Variants in ING3 observed in about 807,000 individuals in gnomAD.
The protein encoded by ING3 is inhibitor of growth family member 3.
A neutral mutation model predicts 64.8 loss-of-function variants in ING3; 6 were observed. The ratio of observed to expected loss-of-function variants is 0.09; its 90% CI spans 0.05 to 0.18. ING3 has a LOEUF of 0.18. ING3 is among the 10% of genes least tolerant of loss of function. The pLI, the probability that ING3 is intolerant of heterozygous loss-of-function variation, is 1.00. For missense variants in ING3, 310 were observed against 489.7 expected, an observed-to-expected ratio of 0.63 and a Z score of 3.46; for synonymous variants, 170 against 173.7, an observed-to-expected ratio of 0.98 and a Z score of 0.17.
At chr7:120,956,106 A>G (rs1584988049) in intron 4 of ING3, 1 of 1,142,708 alleles carries the variant, frequency 8.8e-7, no homozygotes, top group Non-Finnish European at 1.3e-6. Flanking sequence ...CAGCTGTGTC[A>G]GTTGTTTAAG....
intron 4 of ING3, chr7:120,955,995 A>C: frequency 1.6e-6 from 1 of 616,588 alleles, no homozygotes; most frequent in Non-Finnish European, 2.9e-6. Context: ...AAATACACCT[A>C]AGAAGACTGC....
rs1186271550 is a variant in ING3, at chr7:120,977,089, C to T, written c.*2245C>T. 6.6e-6 allele frequency: 1 copy of T among 152,086 alleles called. No homozygotes were observed. Among genetic ancestry groups the T allele is most frequent in the Non-Finnish European group, 1.5e-5 (1 of 68,002 alleles). The allele number at this position is 152,086 out of a possible 1,614,324, so 9.4% of individuals were successfully genotyped here. ...TACAAAACTCATGTAACAGTTGGGA[C>T]AAAATATCCAAATGTGGGTTCACAG... On this transcript the variant is annotated 3_prime_UTR_variant, in exon 12 of 12. Transcript: ENST00000315870.
At chr7:120,959,386 G>A (rs999629455) in intron 4 of ING3, among the ~76,000 whole-genome samples, 3 of 152,096 alleles carry the variant, frequency 2.0e-5, no homozygotes, top group South Asian at 4.1e-4. Flanking sequence ...ACAATTATAC[G>A]TTAATTATTC....
chr7:120,970,381 C>T (rs1349463813), intron 9 of ING3, among the ~76,000 whole-genome samples: 6 of 151,220 alleles, frequency 4.0e-5, no homozygotes, highest in South Asian at 2.1e-4. Context: ...AGGAGAATGG[C>T]GTGAACCTGG....
intron 2 of ING3, among the ~76,000 whole-genome samples, chr7:120,952,594 T>G (rs1277279312): frequency 6.6e-6 from 1 of 152,126 alleles, no homozygotes; most frequent in African/African-American, 2.4e-5. Context: ...CCAAATAAAT[T>G]CAGAAATGCT....
intron 8 of ING3, 70 bp downstream of exon 8, chr7:120,968,161 A>C: frequency 7.4e-7 from 1 of 1,346,372 alleles, no homozygotes; most frequent in Non-Finnish European, 1.0e-6. Flanking sequence ...AATAGAAATA[A>C]CGGGATGTGA....
intron 9 of ING3, among the ~76,000 whole-genome samples, chr7:120,970,431 C>G (rs964411355): frequency 6.7e-6 from 1 of 150,088 alleles, no homozygotes; most frequent in African/African-American, 2.5e-5. Context: ...CGCCACTGCA[C>G]TCCAGTCTGG....
In ING3 at chr7:120,970,697, C is replaced by G. The variant is rs760561603; in HGVS notation, c.918C>G (p.Asn306Lys). The change falls in exon 10 of 12, where the codon AAC (asparagine) becomes AAG (lysine). Residue 306 changes from asparagine to lysine, a missense_variant. Asn to Lys is a moderately conservative substitution (Grantham distance 94). Around this residue, in one of 3 missense-constraint regions of ING3, gnomAD observed 233 missense variants for 289.4 expected, o/e 0.81. Coordinates refer to ENST00000315870, the MANE Select transcript of ING3 (RefSeq NM_019071.3). Reference protein sequence around the residue: ...SRSGRKSKNNNKSSSQQSSSS... With the variant: ...SRSGRKSKNNKKSSSQQSSSS... ...ATACTATTTTTTTCAGAAACAACAACAAGTCTTCAAGCCAGCAGTCATCAT... is the reference window on the plus strand; with the variant it reads ...ATACTATTTTTTTCAGAAACAACAAGAAGTCTTCAAGCCAGCAGTCATCAT... The G allele has an allele frequency of 1.2e-6, 2 of 1,613,626 alleles. No homozygotes were observed. The highest frequency in any genetic ancestry group is 8.5e-7 in the Non-Finnish European group (1 of 1,179,728).
intron 3 of ING3, 84 bp from the exon 4 acceptor site, chr7:120,955,475 A>G (rs1795832248): frequency 1.1e-6 from 1 of 890,840 alleles, no homozygotes; most frequent in Non-Finnish European, 1.8e-6. Context: ...ACAAGATATG[A>G]TAATGAAAAT....
chr7:120,956,357 G>A lies in ING3; in HGVS notation c.267+733G>A, dbSNP rs141185906. On this transcript the variant is annotated intron_variant, in intron 4 of 11. Coordinates refer to ENST00000315870, the MANE Select transcript of ING3 (RefSeq NM_019071.3). ...ATGCTCACTTTTGGCTAACTTCAGT[G>A]TATAGATTTCATACTTATGTTGTCT... The A allele has an allele frequency of 1.4e-5, 19 of 1,363,986 alleles. No individual in the cohort carries two copies. The Admixed American group carries it at 1.9e-4, about 14-fold the overall frequency. The allele number at this position is 1,363,986 out of a possible 1,614,324, so 84.5% of individuals were successfully genotyped here.
intron 4 of ING3, among the ~76,000 whole-genome samples, chr7:120,963,772 C>T (rs1437636578): frequency 6.6e-6 from 1 of 152,252 alleles, no homozygotes; most frequent in Middle Eastern, 3.4e-3. Context: ...ATGTTAGTTA[C>T]ACATTATTTA....
Position 120,964,828 on chromosome 7 carries a change from A to G in ING3, c.354A>G (p.Ile118Met), listed in dbSNP as rs1192130261. The G allele has an allele frequency of 6.2e-7, 1 of 1,612,334 alleles. No homozygotes were observed. Among genetic ancestry groups the G allele is most frequent in the Admixed American group, 1.7e-5 (1 of 60,028 alleles). ...CTGATAATGCTGGAATTACAGAAAT[A>G]TTAGAGAGGCGTAAGTAAAATTTAC... ...LEADNAGITE[I>M]LERRSLELDT... The change falls in exon 5 of 12, where the codon ATA (isoleucine) becomes ATG (methionine). Residue 118 changes from isoleucine to methionine, a missense_variant. By Grantham distance (10) the Ile-to-Met change is conservative (BLOSUM62 1). Coordinates refer to ENST00000315870, the MANE Select transcript of ING3 (RefSeq NM_019071.3).
chr7:120,964,162 G>A (rs760791078), intron 4 of ING3, among the ~76,000 whole-genome samples: 2 of 152,030 alleles, frequency 1.3e-5, no homozygotes, highest in Non-Finnish European at 2.9e-5. Context: ...ATCCTTTGAG[G>A]AATGGAGTTT....
intron 9 of ING3, 110 bp from the exon 10 acceptor site, chr7:120,970,578 C>G (rs2074576): frequency 0.22 from 248,584 of 1,112,176 alleles, 31,566 homozygotes; most frequent in African/African-American, 0.47. Context: ...CTTTAGCTTA[C>G]ACTTTAATTT....
rs1269764366 is a variant in ING3, at chr7:120,976,261, C to G, written c.*1417C>G. 6.6e-6 allele frequency: 1 copy of G among 152,012 alleles called. No individual in the cohort carries two copies. The highest frequency in any genetic ancestry group is 2.4e-5 in the African/African-American group (1 of 41,368). The allele number at this position is 152,012 out of a possible 1,614,324, so 9.4% of individuals were successfully genotyped here. Reference sequence around the variant, plus strand: ...TATTTTATATTGAAACTTACTGGGTCCATCAGATTTCTGCTTTAATTAAAC... The same window carrying G: ...TATTTTATATTGAAACTTACTGGGTGCATCAGATTTCTGCTTTAATTAAAC... On this transcript the variant is annotated 3_prime_UTR_variant, in exon 12 of 12. Transcript: ENST00000315870.
chr7:120,973,171 G>GCT, intron 10 of ING3, 34 bp from the exon 11 acceptor site: 2 of 1,245,538 alleles, frequency 1.6e-6, no homozygotes, highest in Non-Finnish European at 2.4e-6. Flanking sequence ...TTGTTACATA[G>GCT]TCATAATAAA....
intron 2 of ING3, 76 bp from the exon 3 acceptor site, chr7:120,953,228 C>T (rs911326783): frequency 7.7e-6 from 6 of 781,884 alleles, no homozygotes; most frequent in Non-Finnish European, 1.2e-5. Flanking sequence ...AGATTTTTTC[C>T]CTCCCTAAAT....
At chr7:120,969,893 T>C (rs1296321280) in intron 9 of ING3, among the ~76,000 whole-genome samples, 1 of 152,220 alleles carries the variant, frequency 6.6e-6, no homozygotes, top group African/African-American at 2.4e-5. Flanking sequence ...ACGATCAATA[T>C]GAAATAACCA....
At chr7:120,965,338 A>G (rs923879650) in intron 5 of ING3, among the ~76,000 whole-genome samples, 1 of 152,294 alleles carries the variant, frequency 6.6e-6, no homozygotes, top group Admixed American at 6.5e-5. Flanking sequence ...AGCAGCAAGA[A>G]ACCATTTTGA....
Sources: gnomAD v4.1 joint callset for allele counts (sites outside exome capture counted in the v4.1 genomes callset) on GRCh38, gnomAD v4.1.1 for gene constraint, gnomAD v4.1.1 regional missense constraint, MANE v1.5 for transcripts, NCBI Gene and HGNC (gene_info 2026-07-23, HGNC 2026-07-21) for gene names.